The following ZNF804A variants were observed in gnomAD, a reference collection of about 807,000 sequenced individuals.
The protein encoded by ZNF804A is zinc finger protein 804A.
ZNF804A carries 2 observed loss-of-function variants against 16.5 expected under a neutral mutation model. The ratio of observed to expected loss-of-function variants is 0.12; its 90% CI spans 0.05 to 0.38. ZNF804A has a LOEUF of 0.38. Ranked by LOEUF, ZNF804A falls within the 10% of genes least tolerant of loss-of-function variation. The probability of loss-of-function intolerance (pLI) is 0.99; values close to 1 mark genes in which losing one functional copy is unlikely to be tolerated. For missense variants in ZNF804A, 1,473 were observed against 1,390.7 expected, an observed-to-expected ratio of 1.06 and a Z score of -0.94; for synonymous variants, 534 against 489.6, an observed-to-expected ratio of 1.09 and a Z score of -1.20.
intron 1 of ZNF804A, among the ~76,000 whole-genome samples, chr2:184,664,405 T>G (rs1692224754): frequency 6.6e-6 from 1 of 152,122 alleles, no homozygotes; most frequent in Non-Finnish European, 1.5e-5. Context: ...TGGACATAAT[T>G]CAACATAAAA....
intron 2 of ZNF804A, among the ~76,000 whole-genome samples, chr2:184,875,802 G>T (rs868742249): frequency 1.6e-4 from 24 of 150,364 alleles, no homozygotes; most frequent in African/African-American, 5.1e-4. Context: ...TCAGAATCAG[G>T]TAAAGAGAAA....
chr2:184,676,696 C>G (rs62176213), intron 1 of ZNF804A, among the ~76,000 whole-genome samples: 10,082 of 151,530 alleles, frequency 0.067, 477 homozygotes, highest in Non-Finnish European at 0.093. Flanking sequence ...AATAAAAATG[C>G]CAGTTATATT....
At chr2:184,842,725 G>A (rs1186242686) in intron 1 of ZNF804A, among the ~76,000 whole-genome samples, 12 of 151,978 alleles carry the variant, frequency 7.9e-5, no homozygotes, top group Admixed American at 7.9e-4. Context: ...AGTGAGGCTA[G>A]AAAATATTAA....
Position 184,723,829 on chromosome 2 carries a change from C to A in ZNF804A, c.111+124759C>A, listed in dbSNP as rs183407593. ...CAATGGTGTAGGTATTTGGGGATTT[C>A]TATATTCAACAAAGTATTTATTTTG... On this transcript the variant is annotated intron_variant, in intron 1 of 3. Transcript: ENST00000302277. Among the ~76,000 whole-genome samples the A allele has an allele frequency of 1.8e-4, 27 of 151,648 alleles. No homozygotes were observed. The East Asian group carries it at 5.2e-3, about 29-fold the overall frequency.
chr2:184,763,187 C>G (rs916346906), intron 1 of ZNF804A, among the ~76,000 whole-genome samples: 25 of 152,046 alleles, frequency 1.6e-4, no homozygotes, highest in Admixed American at 1.6e-3. Context: ...AAGTTTTAAC[C>G]CTTAATACCT....
intron 1 of ZNF804A, among the ~76,000 whole-genome samples, chr2:184,688,282 G>A (rs1692670736): frequency 6.6e-6 from 1 of 151,664 alleles, no homozygotes; most frequent in South Asian, 2.1e-4. Context: ...TACTGGGCAG[G>A]ATTTTTAGGC....
Position 184,937,396 on chromosome 2 carries a change from TA to T in ZNF804A, c.2002del (p.Ser668ValfsTer33). 6.2e-7 allele frequency: 1 copy of T among 1,613,208 alleles called. No homozygotes were observed. Among genetic ancestry groups the T allele is most frequent in the Non-Finnish European group, 8.5e-7 (1 of 1,179,704 alleles). Reference protein sequence around the residue: ...DKRPKSESISLSDNEEMCKTW... With the variant: ...DKRPKSESISXSDNEEMCKTW... ...AGGCCCAAATCAGAATCCATATCCTTAAGTGACAATGAAGAAATGTGTAAAA... is the reference window on the plus strand; with the variant it reads ...AGGCCCAAATCAGAATCCATATCCTTAGTGACAATGAAGAAATGTGTAAAA... On this transcript the variant is annotated frameshift_variant, in exon 4 of 4. Coordinates refer to ENST00000302277, the MANE Select transcript of ZNF804A (RefSeq NM_194250.2). LOFTEE classifies it low-confidence loss of function (END_TRUNC).
intron 1 of ZNF804A, among the ~76,000 whole-genome samples, chr2:184,848,552 G>A (rs1194961563): frequency 1.3e-5 from 2 of 152,050 alleles, no homozygotes; most frequent in African/African-American, 4.8e-5. Context: ...ACAGAGATCT[G>A]CAAGAAGTGA....
chr2:184,628,897 A>T (rs370884705), intron 1 of ZNF804A, among the ~76,000 whole-genome samples: 1 of 152,190 alleles, frequency 6.6e-6, no homozygotes, highest in Non-Finnish European at 1.5e-5. Flanking sequence ...GTATTCACAT[A>T]CCAAATAATA....
chr2:184,883,560 A>G (rs1389550787), intron 2 of ZNF804A, among the ~76,000 whole-genome samples: 1 of 151,714 alleles, frequency 6.6e-6, no homozygotes, highest in Non-Finnish European at 1.5e-5. Flanking sequence ...ATGCAAAAAT[A>G]AGAGCTCCAA....
rs537007373 is a variant in ZNF804A at position 184,605,238 on chromosome 2, T to C, written c.111+6168T>C. Among the ~76,000 whole-genome samples, 7 of 152,208 alleles carry C rather than the reference T, an allele frequency of 4.6e-5. No individual in the cohort carries two copies. In the South Asian group the frequency reaches 1.5e-3, roughly 32 times the overall value. ...TAATCCTACCAAAAAAAGATAGCAGTTATAATCTATGGTGTACTGCAACAA... is the reference window on the plus strand; with the variant it reads ...TAATCCTACCAAAAAAAGATAGCAGCTATAATCTATGGTGTACTGCAACAA... On this transcript the variant is annotated intron_variant, in intron 1 of 3. Coordinates refer to ENST00000302277, the MANE Select transcript of ZNF804A (RefSeq NM_194250.2).
intron 1 of ZNF804A, among the ~76,000 whole-genome samples, chr2:184,697,060 C>T (rs542409243): frequency 6.6e-6 from 1 of 151,956 alleles, no homozygotes; most frequent in African/African-American, 2.4e-5. Flanking sequence ...AATATGATTA[C>T]TCTTTACAGT....
At chr2:184,855,178 A>G (rs905449835) in intron 1 of ZNF804A, among the ~76,000 whole-genome samples, 3 of 152,088 alleles carry the variant, frequency 2.0e-5, no homozygotes, top group African/African-American at 7.2e-5. Flanking sequence ...TGCCATGGGT[A>G]GAATGACTGT....
At chr2:184,776,938 A>G (rs920174805) in intron 1 of ZNF804A, among the ~76,000 whole-genome samples, 10 of 151,574 alleles carry the variant, frequency 6.6e-5, no homozygotes, top group South Asian at 2.1e-4. Flanking sequence ...TTTAAAAATT[A>G]TATGTTAGCA....
chr2:184,908,974 C>T (rs1172233347), intron 2 of ZNF804A, among the ~76,000 whole-genome samples: 1 of 152,100 alleles, frequency 6.6e-6, no homozygotes, highest in East Asian at 1.9e-4. Context: ...CAGCTAACTT[C>T]AGTTTTTGGA....
chr2:184,835,956 C>T (rs952319533), intron 1 of ZNF804A, among the ~76,000 whole-genome samples: 3 of 152,068 alleles, frequency 2.0e-5, no homozygotes, highest in Non-Finnish European at 4.4e-5. Flanking sequence ...GGGGAACCAT[C>T]AGAAGTTTTA....
intron 1 of ZNF804A, among the ~76,000 whole-genome samples, chr2:184,776,386 A>G (rs1694284869): frequency 6.6e-6 from 1 of 151,524 alleles, no homozygotes; most frequent in South Asian, 2.1e-4. Context: ...AAAATCTACT[A>G]TAAATTTTGT....
At chr2:184,914,270 C>T (rs1685412311) in intron 2 of ZNF804A, among the ~76,000 whole-genome samples, 2 of 152,178 alleles carry the variant, frequency 1.3e-5, no homozygotes, top group African/African-American at 4.8e-5. Flanking sequence ...AATTCTAGGG[C>T]TCTTTTCTCT....
Position 184,937,490 on chromosome 2 carries a change from A to G in ZNF804A, c.2094A>G (p.Ile698Met). The change falls in exon 4 of 4, where the codon ATA becomes ATG. Residue 698 changes from isoleucine to methionine, a missense_variant. Ile to Met is a conservative substitution (Grantham distance 10). Coordinates refer to ENST00000302277, the MANE Select transcript of ZNF804A (RefSeq NM_194250.2). ...SSKNHCKKNTILLNGQSNATM... is the reference protein window; with the variant it reads ...SSKNHCKKNTMLLNGQSNATM... ...AAAACCACTGTAAAAAGAACACAATACTTTTAAATGGACAATCAAATGCAA... is the reference window on the plus strand; with the variant it reads ...AAAACCACTGTAAAAAGAACACAATGCTTTTAAATGGACAATCAAATGCAA... 1 of 1,612,210 alleles carries G rather than the reference A, an allele frequency of 6.2e-7. No individual in the cohort carries two copies. Among genetic ancestry groups the G allele is most frequent in the South Asian group, 1.1e-5 (1 of 90,934 alleles).
Sources: gnomAD v4.1 joint callset for allele counts (sites outside exome capture counted in the v4.1 genomes callset) on GRCh38, gnomAD v4.1.1 for gene constraint, MANE v1.5 for transcripts, NCBI Gene and HGNC (gene_info 2026-07-23, HGNC 2026-07-21) for gene names.